The following TYW1 variants were observed in gnomAD, a reference collection of about 807,000 sequenced individuals.
TYW1 encodes the protein S-adenosyl-L-methionine-dependent tRNA 4-demethylwyosine synthase TYW1.
TYW1 carries 46 observed loss-of-function variants against 96.2 expected under a neutral mutation model. That is an observed-to-expected ratio of 0.48 (90% confidence interval 0.38 to 0.61). The LOEUF is 0.61. TYW1 is among the 20% of genes least tolerant of loss of function. TYW1 has a pLI of 0.00. For missense variants in TYW1, 684 were observed against 909.6 expected (o/e 0.75, Z 3.19); for synonymous variants, 274 against 323.0 (o/e 0.85, Z 1.63).
At chr7:67,058,044 C>T (rs912281008) in intron 9 of TYW1, among the ~76,000 whole-genome samples, 3 of 152,080 alleles carry the variant, frequency 2.0e-5, no homozygotes, top group African/African-American at 7.2e-5. Context: ...ACGCCATTCT[C>T]CTGCCTCAGC....
intron 13 of TYW1, among the ~76,000 whole-genome samples, chr7:67,148,480 C>A (rs1413798705): frequency 3.7e-5 from 5 of 134,842 alleles, no homozygotes; most frequent in Non-Finnish European, 7.6e-5. Flanking sequence ...GGCTGGAGTG[C>A]AGTGGCGTGA....
chr7:67,166,309 T>TATATATA (rs1455536294), intron 13 of TYW1, among the ~76,000 whole-genome samples: 1 of 143,018 alleles, frequency 7.0e-6, no homozygotes, highest in Non-Finnish European at 1.5e-5. Flanking sequence ...CAGTACTTTT[T>TATATATA]ATATATAATA....
chr7:67,074,460 A>G (rs1225812016), intron 10 of TYW1, among the ~76,000 whole-genome samples: 2 of 152,166 alleles, frequency 1.3e-5, no homozygotes, highest in Non-Finnish European at 2.9e-5. Flanking sequence ...TGAGCAGTAC[A>G]TTTACCCAGA....
chr7:67,009,184 A>T (rs1793703404), intron 3 of TYW1, among the ~76,000 whole-genome samples: 1 of 151,680 alleles, frequency 6.6e-6, no homozygotes, highest in South Asian at 2.1e-4. Context: ...TAATTTTTAA[A>T]TTTTTTTATA....
At chr7:67,054,276 T>G (rs1584506490) in intron 8 of TYW1, among the ~76,000 whole-genome samples, 1 of 21,006 alleles carries the variant, frequency 4.8e-5, no homozygotes, top group Non-Finnish European at 9.1e-5. Context: ...TAATGTACAG[T>G]TTTTTTTCTT....
intron 15 of TYW1, among the ~76,000 whole-genome samples, chr7:67,204,259 T>TA (rs1200443361): frequency 6.6e-6 from 1 of 152,124 alleles, no homozygotes; most frequent in Non-Finnish European, 1.5e-5. Flanking sequence ...TTTTTTTTGT[T>TA]ATGGTCCCAC....
At chr7:67,083,342 AT>A in intron 10 of TYW1, 87 bp from the exon 11 acceptor site, 1 of 1,371,950 alleles carries the variant, frequency 7.3e-7, no homozygotes, top group Non-Finnish European at 1.0e-6. Flanking sequence ...TGATTTTGTG[AT>A]TTTTAAAAAT....
intron 13 of TYW1, among the ~76,000 whole-genome samples, chr7:67,175,649 C>T (rs1292851643): frequency 6.6e-6 from 1 of 151,980 alleles, no homozygotes; most frequent in Non-Finnish European, 1.5e-5. Flanking sequence ...TAAAAATCAA[C>T]CTATTTATGA....
At chr7:67,207,689 T>TG (rs1470542439) in intron 15 of TYW1, among the ~76,000 whole-genome samples, 1 of 148,188 alleles carries the variant, frequency 6.7e-6, no homozygotes, top group Non-Finnish European at 1.5e-5. Flanking sequence ...GCCTTTTTTT[T>TG]TTTTGGAGAT....
At position 67,186,265 on chromosome 7, in the gene TYW1, T is replaced by TCCCCC. The variant is rs56401730; in HGVS notation, c.1809+3032_1809+3036dup. ...CCTTTTTTTCATTTCCTTCCTTTCT[T>TCCCCC]CCCCCCCGCCCCACCTCTCCCCCCT... On this transcript the variant is annotated intron_variant, in intron 14 of 15. Coordinates refer to ENST00000359626, the MANE Select transcript of TYW1 (RefSeq NM_018264.4). Among the ~76,000 whole-genome samples, 92 of 68,316 alleles carry TCCCCC rather than the reference T, an allele frequency of 1.3e-3. 1 individual carries two copies. Among genetic ancestry groups the TCCCCC allele is most frequent in the Non-Finnish European group, 1.8e-3 (64 of 35,928 alleles). 44.8% of individuals were successfully genotyped at this position (68,316 alleles called of 152,430 possible).
rs574321188 is a variant in TYW1, at chr7:67,213,634, A to AT, written c.1977+18298dup. ...TTCAAGGTCACCTAGATTTCCTCCC[A>AT]TGCTATTTTCTAGAAGTTTTATGTT... On this transcript the variant is annotated intron_variant, in intron 15 of 15. Coordinates refer to ENST00000359626, the MANE Select transcript of TYW1 (RefSeq NM_018264.4). Among the ~76,000 whole-genome samples the AT allele has an allele frequency of 2.1e-3, 316 of 152,260 alleles. 1 individual carries two copies. The highest frequency in any genetic ancestry group is 2.7e-3 in the Non-Finnish European group (187 of 68,024).
chr7:67,102,926 G>C lies in TYW1; in HGVS notation c.1562+4208G>C, dbSNP rs62468374. 3.4e-3 allele frequency among the ~76,000 whole-genome samples: 511 copies of C among 152,314 alleles called. 4 individuals are homozygous for C. Among genetic ancestry groups the C allele is most frequent in the African/African-American group, 0.011 (469 of 41,576 alleles). On this transcript the variant is annotated intron_variant, in intron 12 of 15. Coordinates refer to ENST00000359626, the MANE Select transcript of TYW1 (RefSeq NM_018264.4). Reference sequence around the variant, plus strand: ...GGCCTCCCAAAGTGCTGGGATTATAGGCGTGAGCCATCACGCCCGGTCACG... The same window carrying C: ...GGCCTCCCAAAGTGCTGGGATTATACGCGTGAGCCATCACGCCCGGTCACG...
chr7:67,194,630 GATAATAATAA>G (rs1800330971), intron 14 of TYW1, among the ~76,000 whole-genome samples: 1 of 150,464 alleles, frequency 6.6e-6, no homozygotes, highest in Admixed American at 6.6e-5. Context: ...ACTCAAAAAT[GATAATAATAA>G]TAATTTTAAA....
chr7:67,109,885 A>T (rs1306916023), intron 12 of TYW1, among the ~76,000 whole-genome samples: 1 of 152,140 alleles, frequency 6.6e-6, no homozygotes, highest in Non-Finnish European at 1.5e-5. Context: ...CTTTCAAAAG[A>T]AAATAAAAAA....
chr7:67,117,444 A>G, intron 12 of TYW1, 39 bp from the exon 13 acceptor site: 1 of 1,587,220 alleles, frequency 6.3e-7, no homozygotes, highest in Non-Finnish European at 8.5e-7. Flanking sequence ...TGATAGAGGA[A>G]TAATTTTTCT....
intron 13 of TYW1, among the ~76,000 whole-genome samples, chr7:67,158,544 C>T (rs1799057862): frequency 6.6e-6 from 1 of 152,026 alleles, no homozygotes; most frequent in South Asian, 2.1e-4. Context: ...GAATAAATCC[C>T]AGCTGGTCAG....
chr7:67,043,441 A>G (rs1795092301), intron 7 of TYW1, among the ~76,000 whole-genome samples: 1 of 151,602 alleles, frequency 6.6e-6, no homozygotes, highest in African/African-American at 2.4e-5. Flanking sequence ...GACAAACACT[A>G]ACATCAGCAT....
chr7:67,197,971 CG>C (rs1800458841), intron 15 of TYW1, among the ~76,000 whole-genome samples: 1 of 142,286 alleles, frequency 7.0e-6, no homozygotes, highest in African/African-American at 2.7e-5. Flanking sequence ...CCCCCGCCCC[CG>C]CAGCATACAC....
At chr7:67,085,593 C>T (rs1012330155) in intron 11 of TYW1, among the ~76,000 whole-genome samples, 5 of 152,170 alleles carry the variant, frequency 3.3e-5, no homozygotes, top group African/African-American at 9.7e-5. Flanking sequence ...AAAATGGGCT[C>T]ATACTTATTT....
Sources: gnomAD v4.1 joint callset for allele counts (sites outside exome capture counted in the v4.1 genomes callset) on GRCh38, gnomAD v4.1.1 for gene constraint, MANE v1.5 for transcripts, NCBI Gene and HGNC (gene_info 2026-07-23, HGNC 2026-07-21) for gene names.